The following CNTLN variants were observed in gnomAD, a reference collection of about 807,000 sequenced individuals.
CNTLN encodes the protein centlein.
A neutral mutation model predicts 180.0 loss-of-function variants in CNTLN; 212 were observed. The observed-to-expected ratio is 1.18, with a 90% CI of 1.05 to 1.32. CNTLN has a LOEUF of 1.32. CNTLN is among the 40% of genes most tolerant of loss of function. CNTLN has a pLI of 0.00. For synonymous variants in CNTLN, 722 were observed against 563.1 expected, an observed-to-expected ratio of 1.28 and a Z score of -3.99; for missense variants, 2,095 against 1,610.9, an observed-to-expected ratio of 1.30 and a Z score of -5.14.
intron 2 of CNTLN, among the ~76,000 whole-genome samples, chr9:17,173,399 C>G (rs1199469405): frequency 6.6e-6 from 1 of 152,002 alleles, no homozygotes; most frequent in Non-Finnish European, 1.5e-5. Context: ...ATAGTTTCTA[C>G]CATTTGATAC....
intron 2 of CNTLN, among the ~76,000 whole-genome samples, chr9:17,156,578 C>A (rs746031194): frequency 6.6e-6 from 1 of 152,034 alleles, no homozygotes; most frequent in Non-Finnish European, 1.5e-5. Context: ...CCAAATCTGA[C>A]TTATTGTAGT....
chr9:17,245,761 G>T (rs547165455), intron 5 of CNTLN, among the ~76,000 whole-genome samples: 2 of 151,560 alleles, frequency 1.3e-5, no homozygotes, highest in Non-Finnish European at 2.9e-5. Context: ...CTCTAACTGT[G>T]TATTTTCAAA....
intron 6 of CNTLN, among the ~76,000 whole-genome samples, chr9:17,278,121 A>G (rs1461783856): frequency 1.3e-5 from 2 of 151,944 alleles, no homozygotes; most frequent in Non-Finnish European, 2.9e-5. Flanking sequence ...AAATATCCGG[A>G]CCTCTTTCTC....
At chr9:17,343,599 A>T (rs908655031) in intron 12 of CNTLN, among the ~76,000 whole-genome samples, 2 of 152,182 alleles carry the variant, frequency 1.3e-5, no homozygotes, top group African/African-American at 4.8e-5. Context: ...GAAGGCTCTT[A>T]TCTTGAAAAC....
chr9:17,391,300 A>C (rs1453090637), intron 14 of CNTLN, among the ~76,000 whole-genome samples: 1 of 152,192 alleles, frequency 6.6e-6, no homozygotes, highest in Non-Finnish European at 1.5e-5. Flanking sequence ...AGAACTGAGA[A>C]GGGAGAAAGT....
intron 15 of CNTLN, among the ~76,000 whole-genome samples, chr9:17,406,888 A>G (rs1827435706): frequency 6.6e-6 from 1 of 151,624 alleles, no homozygotes; most frequent in African/African-American, 2.4e-5. Flanking sequence ...GGGCTCTCCA[A>G]TCAAATCTAA....
chr9:17,279,730 AC>A (rs1828543660), intron 6 of CNTLN, among the ~76,000 whole-genome samples: 1 of 151,964 alleles, frequency 6.6e-6, no homozygotes, highest in Non-Finnish European at 1.5e-5. Flanking sequence ...TAATTTAATC[AC>A]ATGGCCTACT....
intron 2 of CNTLN, among the ~76,000 whole-genome samples, chr9:17,213,097 G>C (rs967703895): frequency 3.9e-5 from 6 of 152,088 alleles, no homozygotes; most frequent in Non-Finnish European, 8.8e-5. Flanking sequence ...CCTTCTGCTA[G>C]CTTTTGAATG....
At chr9:17,312,399 T>TATATATATATATA (rs1819252237) in intron 8 of CNTLN, among the ~76,000 whole-genome samples, 1 of 128,898 alleles carries the variant, frequency 7.8e-6, no homozygotes, top group Non-Finnish European at 1.6e-5. Flanking sequence ...ATTTATTTAT[T>TATATATATATATA]TTTTTGATAC....
chr9:17,334,688 G>A (rs912759483), intron 10 of CNTLN, among the ~76,000 whole-genome samples: 1 of 152,160 alleles, frequency 6.6e-6, no homozygotes, highest in Non-Finnish European at 1.5e-5. Context: ...AATATCACAT[G>A]TTCTCATTTA....
chr9:17,527,702 C>T, the CNTLN span, among the ~76,000 whole-genome samples: 920 of 152,234 alleles, frequency 6.0e-3, 4 homozygotes, highest in African/African-American at 0.021. Flanking sequence ...GCACACCTAG[C>T]ACTCAGATTT....
At chr9:17,466,951 T>C in intron 23 of CNTLN, 60 bp downstream of exon 23, 1 of 1,185,438 alleles carries the variant, frequency 8.4e-7, no homozygotes, top group Non-Finnish European at 1.2e-6. Context: ...GGCAGTAGCC[T>C]ACTTGAGATG....
chr9:17,481,149 G>A (rs987722478), intron 23 of CNTLN, among the ~76,000 whole-genome samples: 1 of 152,088 alleles, frequency 6.6e-6, no homozygotes, highest in African/African-American at 2.4e-5. Context: ...GCCGACCAAG[G>A]AGCCTAGTTA....
chr9:17,487,532 A>G lies in CNTLN; in HGVS notation c.4119+466A>G, dbSNP rs150966313. 6.0e-3 allele frequency among the ~76,000 whole-genome samples: 913 copies of G among 152,198 alleles called. 9 individuals are homozygous for G. The highest frequency in any genetic ancestry group is 0.021 in the African/African-American group (859 of 41,532). ...ACTGTGTCTTCCCGCATTCTCTACA[A>G]TATTTTCTACTGAGACCTCGAGCAG... is the stretch of plus-strand genomic sequence containing the variant. On this transcript the variant is annotated intron_variant, in intron 25 of 25. Coordinates refer to ENST00000380647, the MANE Select transcript of CNTLN (RefSeq NM_017738.4).
chr9:17,207,855 A>G (rs1480728776), intron 2 of CNTLN, among the ~76,000 whole-genome samples: 2 of 151,850 alleles, frequency 1.3e-5, no homozygotes, highest in African/African-American at 4.8e-5. Context: ...CAGTCCTAAT[A>G]ATTTTCTTGT....
intron 12 of CNTLN, among the ~76,000 whole-genome samples, chr9:17,350,050 T>A (rs1822231746): frequency 6.6e-6 from 1 of 152,208 alleles, no homozygotes; most frequent in Non-Finnish European, 1.5e-5. Context: ...TTACCAATGC[T>A]AAATTAGATG....
intron 23 of CNTLN, among the ~76,000 whole-genome samples, chr9:17,477,439 G>C (rs1204499681): frequency 9.2e-5 from 14 of 152,150 alleles, no homozygotes. Flanking sequence ...GCTGGCCAAA[G>C]TAAATGGGAA....
At chr9:17,326,601 G>A (rs1820308227) in intron 8 of CNTLN, among the ~76,000 whole-genome samples, 1 of 152,108 alleles carries the variant, frequency 6.6e-6, no homozygotes, top group Non-Finnish European at 1.5e-5. Flanking sequence ...CAGTATGGCT[G>A]GGGAGAAAAG....
At chr9:17,202,883 G>A (rs530700300) in intron 2 of CNTLN, among the ~76,000 whole-genome samples, 27 of 152,084 alleles carry the variant, frequency 1.8e-4, no homozygotes, top group African/African-American at 6.3e-4. Context: ...TCATCATGAT[G>A]CTAGCTGTTT....
Sources: gnomAD v4.1 joint callset for allele counts (sites outside exome capture counted in the v4.1 genomes callset) on GRCh38, gnomAD v4.1.1 for gene constraint, MANE v1.5 for transcripts, NCBI Gene and HGNC (gene_info 2026-07-23, HGNC 2026-07-21) for gene names.